RAPGEF6: variants seen among roughly 807,000 people sequenced by gnomAD.
The protein encoded by RAPGEF6 is Rap guanine nucleotide exchange factor 6.
Under a neutral mutation model 171.4 loss-of-function variants are expected in RAPGEF6, and 56 were observed. That is an observed-to-expected ratio of 0.33 (90% CI 0.26 to 0.41). The LOEUF is 0.41. RAPGEF6 is among the 10% of genes least tolerant of loss of function. RAPGEF6 has a pLI of 1.00. For missense variants in RAPGEF6, 1,674 were observed against 1,921.4 expected (o/e 0.87, Z 2.41); for synonymous variants, 692 against 650.1 (o/e 1.06, Z -0.98).
At chr5:131,443,339 A>G (rs1752501459) in intron 22 of RAPGEF6, among the ~76,000 whole-genome samples, 1 of 152,110 alleles carries the variant, frequency 6.6e-6, no homozygotes, top group Non-Finnish European at 1.5e-5. Flanking sequence ...CAGCTACCCA[A>G]AGTGGTGTGA....
At chr5:131,585,360 G>C (rs1763195593) in intron 4 of RAPGEF6, among the ~76,000 whole-genome samples, 1 of 151,160 alleles carries the variant, frequency 6.6e-6, no homozygotes, top group Non-Finnish European at 1.5e-5. Flanking sequence ...CCTTGTGAAA[G>C]CAAAGTATCT....
chr5:131,440,029 A>C, intron 23 of RAPGEF6: 1 of 400,118 alleles, frequency 2.5e-6, no homozygotes, highest in Non-Finnish European at 4.7e-6. Context: ...CAGTGATTTG[A>C]AATCTTCAAA....
At position 131,489,551 on chromosome 5, in the gene RAPGEF6, A is replaced by C; in HGVS notation, c.1835T>G (p.Ile612Ser). The C allele has an allele frequency of 6.4e-7, 1 of 1,566,350 alleles. No individual in the cohort carries two copies. Among genetic ancestry groups the C allele is most frequent in the South Asian group, 1.2e-5 (1 of 84,282 alleles). Residue 612 changes from isoleucine (I) to serine (S), a missense_variant, in exon 15 of 28, where the codon ATT becomes AGT. Coordinates refer to ENST00000509018, the MANE Select transcript of RAPGEF6 (RefSeq NM_016340.6). ...THLALTVKTNIFVFKELLFRT... is the reference protein window; with the variant it reads ...THLALTVKTNSFVFKELLFRT... ...ATTTTTACAACAAAACTCACCAAAA[A>C]TGTTGGTCTTCACAGTAAGTGCAAG...
intron 17 of RAPGEF6, chr5:131,469,793 ATACT>A (rs1561489088): frequency 6.6e-7 from 1 of 1,512,922 alleles, no homozygotes; most frequent in East Asian, 2.5e-5. Flanking sequence ...AGTCTTTAAG[ATACT>A]TACAATAAAA....
At chr5:131,446,435 T>C (rs553795004) in intron 22 of RAPGEF6, 48 bp downstream of exon 22, 1 of 1,504,092 alleles carries the variant, frequency 6.6e-7, no homozygotes, top group Non-Finnish European at 9.0e-7. Context: ...AATAAGTTTT[T>C]ATTTTGTTGT....
At chr5:131,475,185 T>C (rs1250020752) in intron 16 of RAPGEF6, among the ~76,000 whole-genome samples, 2 of 152,214 alleles carry the variant, frequency 1.3e-5, no homozygotes, top group Admixed American at 1.3e-4. Context: ...CTATGTACAA[T>C]CCATGCTATG....
intron 10 of RAPGEF6, 99 bp downstream of exon 10, chr5:131,505,265 T>C: frequency 8.1e-7 from 1 of 1,237,480 alleles, no homozygotes; most frequent in African/African-American, 1.5e-5. Flanking sequence ...TTGAAACTCC[T>C]AATTCTCAAA....
At chr5:131,534,080 T>G (rs1308594371) in intron 6 of RAPGEF6, among the ~76,000 whole-genome samples, 1 of 152,018 alleles carries the variant, frequency 6.6e-6, no homozygotes, top group Non-Finnish European at 1.5e-5. Flanking sequence ...GGCGGCAAAA[T>G]TATGAGAAAA....
chr5:131,578,113 T>A (rs943944621), intron 4 of RAPGEF6, among the ~76,000 whole-genome samples: 2 of 152,318 alleles, frequency 1.3e-5, no homozygotes, highest in East Asian at 3.9e-4. Context: ...CCGCCACCCT[T>A]AACTCTCTCT....
chr5:131,574,186 G>C (rs1160125689), intron 4 of RAPGEF6, among the ~76,000 whole-genome samples: 4 of 152,178 alleles, frequency 2.6e-5, no homozygotes, highest in African/African-American at 9.7e-5. Flanking sequence ...TGCAGCCCGG[G>C]ATTCCTTCTA....
At chr5:131,622,560 CAT>C (rs150672370) in intron 1 of RAPGEF6, among the ~76,000 whole-genome samples, 19 of 152,328 alleles carry the variant, frequency 1.2e-4, no homozygotes, top group Non-Finnish European at 2.2e-4. Flanking sequence ...ATGCCTCAAA[CAT>C]GTGTTGCTTA....
chr5:131,603,250 G>A lies in RAPGEF6; in HGVS notation c.197+21C>T, dbSNP rs372607742. On this transcript the variant is annotated intron_variant, in intron 3 of 27. Transcript: ENST00000509018. ...TTAAACATAAAAGTCATTAGTTTAT[G>A]TGAATTATGGAAATACTTACCAAAA... 2.0e-4 allele frequency: 302 copies of A among 1,537,766 alleles called. No individual in the cohort carries two copies. In the African/African-American group the frequency reaches 3.2e-3, roughly 16 times the overall value.
chr5:131,432,208 T>C (rs1002568311), intron 25 of RAPGEF6, among the ~76,000 whole-genome samples: 4 of 152,128 alleles, frequency 2.6e-5, no homozygotes, highest in African/African-American at 9.7e-5. Flanking sequence ...GGCGAAAATA[T>C]TTACTACCCA....
chr5:131,601,330 AG>A (rs1764242623), intron 3 of RAPGEF6, among the ~76,000 whole-genome samples: 1 of 151,122 alleles, frequency 6.6e-6, no homozygotes, highest in Non-Finnish European at 1.5e-5. Context: ...GGTTGCAGTG[AG>A]CCAAGGTCAC....
chr5:131,580,130 TGG>T (rs34221007), intron 4 of RAPGEF6, among the ~76,000 whole-genome samples: 3 of 151,996 alleles, frequency 2.0e-5, no homozygotes, highest in East Asian at 3.9e-4. Context: ...GAGCCCACTG[TGG>T]GGGGGGGCTC....
intron 12 of RAPGEF6, among the ~76,000 whole-genome samples, chr5:131,495,958 C>A (rs1756611970): frequency 6.6e-6 from 1 of 152,198 alleles, no homozygotes; most frequent in Non-Finnish European, 1.5e-5. Flanking sequence ...ATGCAAACTT[C>A]ATGTCATAAA....
At chr5:131,617,360 T>C (rs1765332733) in intron 1 of RAPGEF6, among the ~76,000 whole-genome samples, 1 of 152,228 alleles carries the variant, frequency 6.6e-6, no homozygotes, top group African/African-American at 2.4e-5. Context: ...ATTATGCCTA[T>C]TTCAGCTCTG....
chr5:131,508,590 T>G (rs1245502886), intron 8 of RAPGEF6, among the ~76,000 whole-genome samples: 1 of 152,174 alleles, frequency 6.6e-6, no homozygotes, highest in Non-Finnish European at 1.5e-5. Context: ...ACAAAAGTAT[T>G]TAAAAATGCC....
chr5:131,546,074 A>G (rs1760507576), intron 6 of RAPGEF6, among the ~76,000 whole-genome samples: 1 of 152,214 alleles, frequency 6.6e-6, no homozygotes, highest in Non-Finnish European at 1.5e-5. Flanking sequence ...TCCACAGCTA[A>G]TAGAGAAAAT....
Sources: gnomAD v4.1 joint callset for allele counts (sites outside exome capture counted in the v4.1 genomes callset) on GRCh38, gnomAD v4.1.1 for gene constraint, MANE v1.5 for transcripts, NCBI Gene and HGNC (gene_info 2026-07-23, HGNC 2026-07-21) for gene names.